SNTB1: variants seen among roughly 807,000 people sequenced by gnomAD.
The protein encoded by SNTB1 is syntrophin beta 1.
SNTB1 carries 36 observed loss-of-function variants against 48.9 expected under a neutral mutation model. That is an observed-to-expected ratio of 0.74 (90% CI 0.56 to 0.97). The LOEUF is 0.97. Among genes scored for constraint, SNTB1 ranks in the 50% least tolerant of loss-of-function variants. The pLI, the probability that SNTB1 is intolerant of heterozygous loss-of-function variation, is 0.00. For synonymous variants in SNTB1, 299 were observed against 294.6 expected (o/e 1.01, Z -0.15); for missense variants, 786 against 703.4 (o/e 1.12, Z -1.33).
At chr8:120,597,478 A>T (rs1816344715) in intron 3 of SNTB1, among the ~76,000 whole-genome samples, 1 of 152,250 alleles carries the variant, frequency 6.6e-6, no homozygotes, top group African/African-American at 2.4e-5. Flanking sequence ...CTTGTTCCAT[A>T]GCCAGGGTTC....
At chr8:120,802,963 C>T (rs1820254968) in intron 1 of SNTB1, among the ~76,000 whole-genome samples, 1 of 151,934 alleles carries the variant, frequency 6.6e-6, no homozygotes, top group Non-Finnish European at 1.5e-5. Flanking sequence ...AAATCTAACA[C>T]CCATCCTCTA....
chr8:120,618,503 C>T (rs559557897), intron 3 of SNTB1, among the ~76,000 whole-genome samples: 98 of 152,296 alleles, frequency 6.4e-4, no homozygotes, highest in Non-Finnish European at 1.2e-3. Flanking sequence ...AGTCCCACTA[C>T]TTTCACTTGC....
At chr8:120,625,520 T>C (rs1448763756) in intron 3 of SNTB1, among the ~76,000 whole-genome samples, 1 of 152,230 alleles carries the variant, frequency 6.6e-6, no homozygotes, top group African/African-American at 2.4e-5. Context: ...TACTCACTCA[T>C]CCCAATTTAA....
chr8:120,573,476 G>A (rs995344197), intron 4 of SNTB1, among the ~76,000 whole-genome samples: 11 of 151,914 alleles, frequency 7.2e-5, no homozygotes, highest in South Asian at 2.1e-4. Context: ...CTCCCATTTT[G>A]TAAGTTGCCT....
In SNTB1 at chr8:120,763,902, C is replaced by T. The variant is rs542587565; in HGVS notation, c.571+47371G>A. Among the ~76,000 whole-genome samples the T allele has an allele frequency of 1.4e-4, 22 of 152,176 alleles. 2 individuals are homozygous for T. In the South Asian group the frequency reaches 2.5e-3, roughly 17 times the overall value. On this transcript the variant is annotated intron_variant, in intron 1 of 6. Coordinates refer to ENST00000517992, the MANE Select transcript of SNTB1 (RefSeq NM_021021.4). Reference sequence around the variant, plus strand: ...GAACTCCTGGGGTCAAACGATTCTCCTGCCTTGGCCTTCCAAAGAAGACCA... The same window carrying T: ...GAACTCCTGGGGTCAAACGATTCTCTTGCCTTGGCCTTCCAAAGAAGACCA...
At position 120,541,896 on chromosome 8, in the gene SNTB1, G is replaced by T; in HGVS notation, c.1438C>A (p.Gln480Lys). 6.2e-7 allele frequency: 1 copy of T among 1,613,812 alleles called. No individual in the cohort carries two copies. The change falls in exon 6 of 7, where the codon CAG (glutamine) becomes AAG (lysine). Residue 480 changes from glutamine (Q) to lysine (K), a missense_variant. Gln to Lys is a moderately conservative substitution (Grantham distance 53). Coordinates refer to ENST00000517992, the MANE Select transcript of SNTB1 (RefSeq NM_021021.4). ...QEGAFPKTIIQSPYEKLKMSS... is the reference protein window; with the variant it reads ...QEGAFPKTIIKSPYEKLKMSS... ...ATTTTGAGCTTTTCATAAGGAGACT[G>T]TATGATGGTCTTGGGAAAGGCACCC...
At chr8:120,778,857 T>C (rs1408919448) in intron 1 of SNTB1, among the ~76,000 whole-genome samples, 2 of 152,226 alleles carry the variant, frequency 1.3e-5, no homozygotes, top group Non-Finnish European at 2.9e-5. Flanking sequence ...CAATGACATA[T>C]TGAATAGGAT....
chr8:120,658,567 A>G (rs968550958), intron 2 of SNTB1, among the ~76,000 whole-genome samples: 2 of 152,252 alleles, frequency 1.3e-5, no homozygotes, highest in Admixed American at 1.3e-4. Flanking sequence ...TTATGTTTAT[A>G]TCATACTGCA....
rs1041079731 is a variant in SNTB1, at chr8:120,538,880, G to T, written c.1614C>A (p.Ala538=). 11 of 1,612,810 alleles carry T rather than the reference G, an allele frequency of 6.8e-6. No homozygotes were observed. Among genetic ancestry groups the T allele is most frequent in the Non-Finnish European group, 9.3e-6 (11 of 1,179,240 alleles). ...CAAAGGCAAGTCACCCCTGTCTTCA[G>T]GCCACCAAGCCCAGTCTTGTAATCT... ...SAKITRLGLV[A] The change falls in exon 7 of 7, where the codon GCC becomes GCA. Residue 538 remains alanine (A), a synonymous_variant. Transcript: ENST00000517992.
chr8:120,668,142 G>A (rs1042142196), intron 2 of SNTB1, among the ~76,000 whole-genome samples: 5 of 152,136 alleles, frequency 3.3e-5, no homozygotes, highest in African/African-American at 9.6e-5. Flanking sequence ...TGGCTGTTTC[G>A]GTCTTCCAGA....
intron 2 of SNTB1, among the ~76,000 whole-genome samples, chr8:120,657,820 C>T (rs1472253339): frequency 6.6e-6 from 1 of 152,196 alleles, no homozygotes; most frequent in Admixed American, 6.5e-5. Context: ...GTGAAGAGAA[C>T]TCAACACAGA....
chr8:120,688,350 C>A (rs935815862), intron 2 of SNTB1, among the ~76,000 whole-genome samples: 1 of 152,024 alleles, frequency 6.6e-6, no homozygotes, highest in African/African-American at 2.4e-5. Context: ...CCCTTATTCC[C>A]AAGACTATTT....
chr8:120,628,121 T>C (rs1292959287), intron 3 of SNTB1, among the ~76,000 whole-genome samples: 1 of 152,218 alleles, frequency 6.6e-6, no homozygotes, highest in Non-Finnish European at 1.5e-5. Flanking sequence ...ACTGGGCTTT[T>C]GTTTTGCTGT....
chr8:120,562,626 A>G (rs1416390498), intron 4 of SNTB1, among the ~76,000 whole-genome samples: 1 of 152,210 alleles, frequency 6.6e-6, no homozygotes, highest in Non-Finnish European at 1.5e-5. Flanking sequence ...ATTTTCTACC[A>G]GTGAGGATGC....
intron 1 of SNTB1, among the ~76,000 whole-genome samples, chr8:120,708,307 T>C (rs1024338537): frequency 6.6e-6 from 1 of 151,792 alleles, no homozygotes; most frequent in Non-Finnish European, 1.5e-5. Flanking sequence ...AAATTTATTC[T>C]TTAATTTTAA....
intron 1 of SNTB1, among the ~76,000 whole-genome samples, chr8:120,719,002 A>C (rs1413344750): frequency 6.6e-6 from 1 of 152,214 alleles, no homozygotes; most frequent in African/African-American, 2.4e-5. Context: ...TCACTATCTC[A>C]GAAGCAAACA....
chr8:120,759,634 T>G (rs1819379571), intron 1 of SNTB1, among the ~76,000 whole-genome samples: 1 of 152,154 alleles, frequency 6.6e-6, no homozygotes, highest in Admixed American at 6.6e-5. Flanking sequence ...AGCCTGGCAC[T>G]CCTAAAAAGA....
At chr8:120,677,666 G>A (rs189259649) in intron 2 of SNTB1, among the ~76,000 whole-genome samples, 4 of 152,108 alleles carry the variant, frequency 2.6e-5, no homozygotes, top group Admixed American at 2.6e-4. Context: ...TGTCTAGTAT[G>A]TCCCAGGCAT....
rs1004323411 is a variant in SNTB1, at chr8:120,811,555, C to T, written c.289G>A (p.Asp97Asn). Residue 97 changes from aspartate (D) to asparagine (N), a missense_variant, in exon 1 of 7, where the codon GAC (aspartate) becomes AAC (asparagine). Asp to Asn is a conservative substitution (Grantham distance 23). Coordinates refer to ENST00000517992, the MANE Select transcript of SNTB1 (RefSeq NM_021021.4). Reference protein sequence around the residue: ...SPAGVRTAFTDLPEQVPESIS... With the variant: ...SPAGVRTAFTNLPEQVPESIS... ...GACTCGGGCACCTGCTCGGGCAGGTCGGTGAAAGCGGTGCGGACCCCGGCG... is the reference window on the plus strand; with the variant it reads ...GACTCGGGCACCTGCTCGGGCAGGTTGGTGAAAGCGGTGCGGACCCCGGCG... 1.3e-6 allele frequency: 2 copies of T among 1,590,332 alleles called. No individual in the cohort carries two copies. Among genetic ancestry groups the T allele is most frequent in the East Asian group, 2.3e-5 (1 of 43,292 alleles).
Sources: allele counts gnomAD v4.1 joint callset (sites outside exome capture counted in the v4.1 genomes callset), GRCh38; gene constraint gnomAD v4.1.1; transcripts MANE v1.5; gene names NCBI Gene and HGNC (gene_info 2026-07-23, HGNC 2026-07-21).